Variants in CCDC3 observed in about 807,000 individuals in gnomAD.
The protein encoded by CCDC3 is coiled-coil domain containing 3, also known as coiled-coil domain-containing protein 3.
CCDC3 carries 24 observed loss-of-function variants against 21.4 expected under a neutral mutation model. That is an observed-to-expected ratio of 1.12 (90% confidence interval 0.81 to 1.58). The LOEUF is 1.58. Ranked by LOEUF, CCDC3 falls within the 40% of genes most tolerant of loss-of-function variation. CCDC3 has a pLI of 0.00. For missense variants in CCDC3, 425 were observed against 360.9 expected (o/e 1.18, Z -1.44); for synonymous variants, 186 against 166.0 (o/e 1.12, Z -0.93).
chr10:12,913,925 G>A (rs1230787736), intron 2 of CCDC3, among the ~76,000 whole-genome samples: 2 of 152,130 alleles, frequency 1.3e-5, no homozygotes, highest in African/African-American at 4.8e-5. Context: ...ATATCCCTGG[G>A]ATAAATGTCA....
intron 5 of CCDC3, among the ~76,000 whole-genome samples, chr10:13,019,321 T>G (rs1836114649): frequency 2.0e-5 from 3 of 152,300 alleles, no homozygotes; most frequent in South Asian, 4.1e-4. Context: ...AAGCACTGCA[T>G]GAAAAGGGTT....
rs1835589586 is a variant in CCDC3 at position 12,986,309 on chromosome 10, CT to C, written c.549+12028del. ...GACTGAATACTAACATCTGAATAAA[CT>C]CTGCAGATTTCATCAGTGTCATTGC... On this transcript the variant is annotated intron_variant, in intron 2 of 2. Coordinates refer to ENST00000378825, the MANE Select transcript of CCDC3 (RefSeq NM_031455.4). Among the ~76,000 whole-genome samples, 3 of 152,062 alleles carry C rather than the reference CT, an allele frequency of 2.0e-5. No homozygotes were observed. The South Asian group carries it at 6.2e-4, about 32-fold the overall frequency.
At chr10:12,910,658 A>G (rs4307620) in intron 2 of CCDC3, among the ~76,000 whole-genome samples, 16,430 of 145,216 alleles carry the variant, frequency 0.11, 1,354 homozygotes, top group African/African-American at 0.23. Flanking sequence ...TGCCCAGGCT[A>G]GAATATAGTG....
intron 3 of CCDC3, among the ~76,000 whole-genome samples, chr10:13,074,825 G>A (rs1836941445): frequency 6.6e-6 from 1 of 152,160 alleles, no homozygotes; most frequent in Non-Finnish European, 1.5e-5. Flanking sequence ...CATTCCAGGA[G>A]GAGAAACCAT....
At position 13,022,858 on chromosome 10, in the gene CCDC3, A is replaced by G. The variant is rs1446327110; in HGVS notation, c.-1-24346T>C. On this transcript the variant is annotated intron_variant, in intron 5 of 6. Coordinates refer to the CCDC3 transcript ENST00000378839. ...ATTATAAATATTGCAAGAGATGCAG[A>G]ATTTTACAAAGTTGATGAAAGTGAT... Among the ~76,000 whole-genome samples, 3 of 152,244 alleles carry G rather than the reference A, an allele frequency of 2.0e-5. No individual in the cohort carries two copies. In the East Asian group the frequency reaches 5.8e-4, roughly 29 times the overall value.
At chr10:13,046,478 G>C (rs1204530624) in intron 5 of CCDC3, among the ~76,000 whole-genome samples, 1 of 151,660 alleles carries the variant, frequency 6.6e-6, no homozygotes, top group African/African-American at 2.4e-5. Context: ...AGGCCGAGGT[G>C]GATCACCTGA....
intron 5 of CCDC3, among the ~76,000 whole-genome samples, chr10:13,036,357 G>A (rs1465596880): frequency 2.6e-5 from 4 of 152,244 alleles, no homozygotes; most frequent in Admixed American, 2.0e-4. Flanking sequence ...AAAACTTCAA[G>A]TAAACCATAC....
intron 2 of CCDC3, among the ~76,000 whole-genome samples, chr10:12,977,044 T>C (rs1209595949): frequency 6.6e-6 from 1 of 152,038 alleles, no homozygotes; most frequent in Non-Finnish European, 1.5e-5. Context: ...GAGGCCAAGG[T>C]GGGCAGATCA....
At chr10:13,084,203 G>T (rs1220496541) in intron 3 of CCDC3, among the ~76,000 whole-genome samples, 2 of 151,926 alleles carry the variant, frequency 1.3e-5, no homozygotes, top group African/African-American at 4.8e-5. Flanking sequence ...ACCTAGGGTG[G>T]ACATGTTTCT....
At chr10:12,910,899 G>A (rs1834262072) in intron 2 of CCDC3, among the ~76,000 whole-genome samples, 1 of 152,162 alleles carries the variant, frequency 6.6e-6, no homozygotes, top group Non-Finnish European at 1.5e-5. Flanking sequence ...CCGGCCAAGG[G>A]CAAAATTTAT....
chr10:12,936,796 C>T (rs1370533067), intron 2 of CCDC3, among the ~76,000 whole-genome samples: 1 of 152,138 alleles, frequency 6.6e-6, no homozygotes, highest in African/African-American at 2.4e-5. Flanking sequence ...ACCTATAGTC[C>T]CAGCTACTCA....
chr10:12,961,639 C>T (rs34710309), intron 2 of CCDC3, among the ~76,000 whole-genome samples: 4,462 of 152,290 alleles, frequency 0.029, 222 homozygotes, highest in African/African-American at 0.1. Flanking sequence ...CAACTCAGGA[C>T]AGCTGGTGCA....
intron 2 of CCDC3, among the ~76,000 whole-genome samples, chr10:12,985,734 G>C (rs1589031017): frequency 6.6e-6 from 1 of 152,214 alleles, no homozygotes; most frequent in African/African-American, 2.4e-5. Flanking sequence ...AAAAGATTAA[G>C]GGTTGCCAGA....
intron 5 of CCDC3, among the ~76,000 whole-genome samples, chr10:13,015,008 G>C (rs189974374): frequency 6.6e-6 from 1 of 151,990 alleles, no homozygotes; most frequent in Non-Finnish European, 1.5e-5. Context: ...GTAAATTGTA[G>C]CACATTCATA....
chr10:12,899,515 TTATTA>T (rs1192771194), intron 2 of CCDC3, among the ~76,000 whole-genome samples: 5 of 152,172 alleles, frequency 3.3e-5, no homozygotes, highest in African/African-American at 9.7e-5. Flanking sequence ...CATTATGGCA[TTATTA>T]TATTAAAAGA....
intron 2 of CCDC3, among the ~76,000 whole-genome samples, chr10:12,997,760 G>A (rs368257461): frequency 2.4e-4 from 36 of 152,176 alleles, no homozygotes; most frequent in African/African-American, 8.2e-4. Context: ...TAAGCATTAC[G>A]CTAACGGATT....
At position 13,036,722 on chromosome 10, in the gene CCDC3, T is replaced by A; in HGVS notation, c.-2+12952A>T. ...CTAGTCTCGAACTCCTGACCTCAGG[T>A]GATCTGCCCACTTTGGCCTCCCAAA... On this transcript the variant is annotated intron_variant, in intron 5 of 6. Coordinates refer to the CCDC3 transcript ENST00000378839. Among the ~76,000 whole-genome samples, 2 of 151,928 alleles carry A rather than the reference T, an allele frequency of 1.3e-5. 1 individual carries two copies.
chr10:13,070,669 T>TAA (rs1836871346), intron 4 of CCDC3, among the ~76,000 whole-genome samples: 2 of 152,202 alleles, frequency 1.3e-5, no homozygotes. Context: ...GGCTCAGCTT[T>TAA]AAAAGGTCTT....
At chr10:13,000,246 T>C (rs1344912993) in intron 1 of CCDC3, among the ~76,000 whole-genome samples, 1 of 152,230 alleles carries the variant, frequency 6.6e-6, no homozygotes, top group Non-Finnish European at 1.5e-5. Context: ...TTTGATGTTT[T>C]TCTCAGTTGT....
Sources: gnomAD v4.1 joint callset for allele counts (sites outside exome capture counted in the v4.1 genomes callset) on GRCh38, gnomAD v4.1.1 for gene constraint, MANE v1.5 for transcripts, NCBI Gene and HGNC (gene_info 2026-07-23, HGNC 2026-07-21) for gene names.